TLN2: variants seen among roughly 807,000 people sequenced by gnomAD.
TLN2 encodes talin 2.
Under a neutral mutation model 294.7 loss-of-function variants are expected in TLN2, and 118 were observed. That is an observed-to-expected ratio of 0.40 (90% CI 0.34 to 0.47). The LOEUF (loss-of-function observed/expected upper bound fraction) is 0.47, where lower values mean the gene tolerates loss of function less well. Among genes scored for constraint, TLN2 ranks in the 20% least tolerant of loss-of-function variants. The pLI is 0.84. For missense variants in TLN2, 3,083 were observed against 3,282.2 expected (o/e 0.94, Z 1.48); for synonymous variants, 1,431 against 1,304.5 (o/e 1.10, Z -2.09).
intron 11 of TLN2, among the ~76,000 whole-genome samples, chr15:62,677,912 T>G (rs1257196127): frequency 6.8e-6 from 1 of 146,086 alleles, no homozygotes; most frequent in Non-Finnish European, 1.5e-5. Context: ...TCTCCTGCCT[T>G]AGCTTCCCGA....
At chr15:62,447,504 T>G (rs770601999) in intron 1 of TLN2, among the ~76,000 whole-genome samples, 6 of 151,064 alleles carry the variant, frequency 4.0e-5, no homozygotes, top group Non-Finnish European at 7.4e-5. Flanking sequence ...CTTTTTTTTT[T>G]TTTTTTTTGA....
rs758197452 is a variant in TLN2 at position 62,719,791 on chromosome 15, C to G, written c.2902C>G (p.Leu968Val). The part of the protein sequence containing the change: ...CKAVADHIPQ[L>V]VQGVRGSQAQ... ...GGCAGTGGCTGATCACATCCCTCAGCTGGTCCAGGGAGTGAGGGGGAGCCA... is the reference window on the plus strand; with the variant it reads ...GGCAGTGGCTGATCACATCCCTCAGGTGGTCCAGGGAGTGAGGGGGAGCCA... The change falls in exon 25 of 59, where the codon CTG becomes GTG. Residue 968 changes from leucine to valine, a missense_variant. By Grantham distance (32) the Leu-to-Val change is conservative (BLOSUM62 1). Transcript: ENST00000636159. The G allele has an allele frequency of 3.7e-6, 6 of 1,609,882 alleles. No individual in the cohort carries two copies. The highest frequency in any genetic ancestry group is 1.7e-4 in the Middle Eastern group (1 of 6,026).
chr15:62,511,106 C>T (rs183026087), intron 1 of TLN2, among the ~76,000 whole-genome samples: 4 of 152,310 alleles, frequency 2.6e-5, no homozygotes, highest in African/African-American at 4.8e-5. Flanking sequence ...CAGACATTGA[C>T]CCCTCCTGTG....
intron 11 of TLN2, among the ~76,000 whole-genome samples, chr15:62,676,512 T>C (rs190725286): frequency 1.7e-3 from 258 of 152,262 alleles, no homozygotes; most frequent in African/African-American, 5.8e-3. Context: ...TGACTCCACT[T>C]ACCAATATTA....
At chr15:62,680,648 A>C (rs1373628868) in intron 11 of TLN2, among the ~76,000 whole-genome samples, 2 of 151,406 alleles carry the variant, frequency 1.3e-5, no homozygotes, top group African/African-American at 2.4e-5. Context: ...ATTATATAGC[A>C]GTGAATTATA....
chr15:62,679,490 C>T (rs540728344), intron 11 of TLN2, among the ~76,000 whole-genome samples: 8 of 152,192 alleles, frequency 5.3e-5, no homozygotes, highest in South Asian at 2.1e-4. Flanking sequence ...GTAAATGTTA[C>T]GCTAAGTGAA....
At chr15:62,623,339 T>C (rs2048995540) in intron 3 of TLN2, among the ~76,000 whole-genome samples, 1 of 152,254 alleles carries the variant, frequency 6.6e-6, no homozygotes, top group Non-Finnish European at 1.5e-5. Context: ...TCATTTGTTC[T>C]ATTTTCGCTG....
At chr15:62,631,768 A>G (rs1222226941) in intron 3 of TLN2, among the ~76,000 whole-genome samples, 2 of 131,616 alleles carry the variant, frequency 1.5e-5, no homozygotes, top group African/African-American at 2.9e-5. Context: ...TTTTTGGTAT[A>G]GACGGGGTCT....
chr15:62,616,803 C>G (rs2048351315), intron 2 of TLN2, among the ~76,000 whole-genome samples: 5 of 152,126 alleles, frequency 3.3e-5, no homozygotes, highest in Admixed American at 3.3e-4. Flanking sequence ...AGTGTTTTTG[C>G]TACTGCTTTT....
At chr15:62,602,711 G>A (rs1046429304) in intron 2 of TLN2, among the ~76,000 whole-genome samples, 3 of 151,940 alleles carry the variant, frequency 2.0e-5, no homozygotes, top group African/African-American at 7.3e-5. Context: ...GGCAACTCTG[G>A]GGCCTCTTTT....
chr15:62,522,653 C>T (rs763196526), intron 1 of TLN2, among the ~76,000 whole-genome samples: 16 of 151,942 alleles, frequency 1.1e-4, no homozygotes, highest in African/African-American at 2.4e-4. Flanking sequence ...TGTTAACCCC[C>T]GAGGCTTTCT....
chr15:62,716,272 C>T, intron 22 of TLN2, 59 bp from the exon 23 acceptor site: 1 of 1,454,450 alleles, frequency 6.9e-7, no homozygotes, highest in Non-Finnish European at 9.1e-7. Context: ...ATACTGAAGG[C>T]ATGAATTCAG....
At chr15:62,570,331 T>C (rs940874351) in intron 1 of TLN2, among the ~76,000 whole-genome samples, 1 of 152,212 alleles carries the variant, frequency 6.6e-6, no homozygotes, top group African/African-American at 2.4e-5. Flanking sequence ...TTGGTAAACA[T>C]GGCCGTTGGA....
intron 1 of TLN2, among the ~76,000 whole-genome samples, chr15:62,568,450 A>G (rs1208315959): frequency 6.6e-6 from 1 of 152,220 alleles, no homozygotes; most frequent in Non-Finnish European, 1.5e-5. Context: ...GGTAAGAGGT[A>G]CAATTTAAAG....
intron 18 of TLN2, 40 bp from the exon 19 acceptor site, chr15:62,702,725 AT>A: frequency 6.3e-7 from 1 of 1,588,770 alleles, no homozygotes; most frequent in East Asian, 2.2e-5. Context: ...ACTGGAGGAA[AT>A]GCGTTTTCTT....
chr15:62,807,389 G>A lies in TLN2; in HGVS notation c.6663+1604G>A, dbSNP rs143905053. ...TGAAATGGGCTCAGAGAGAGAAGTG[G>A]CATGACCAAGGTCACGCAGCTATTT... On this transcript the variant is annotated intron_variant, in intron 51 of 58. Coordinates refer to ENST00000636159, the MANE Select transcript of TLN2 (RefSeq NM_015059.3). Among the ~76,000 whole-genome samples the A allele has an allele frequency of 2.8e-3, 427 of 152,288 alleles. 3 individuals carry two copies. The highest frequency in any genetic ancestry group is 5.0e-3 in the Admixed American group (76 of 15,298).
At chr15:62,734,152 G>A (rs1012290569) in intron 28 of TLN2, 6 of 152,032 alleles carry the variant, frequency 3.9e-5, no homozygotes, top group African/African-American at 1.5e-4. Flanking sequence ...TTAGCTCTTC[G>A]GATTTCTGCG....
chr15:62,763,422 C>A, intron 39 of TLN2, 141 bp from the exon 40 acceptor site: 1 of 1,125,176 alleles, frequency 8.9e-7, no homozygotes, highest in Non-Finnish European at 1.2e-6. Flanking sequence ...ACGTTGCCAA[C>A]CAGGGGTCAG....
In TLN2 at chr15:62,739,582, CCT is replaced by C. The variant is rs1244707952; in HGVS notation, c.3885+41_3885+42del. 11 of 1,608,812 alleles carry C rather than the reference CCT, an allele frequency of 6.8e-6. No homozygotes were observed. The Admixed American group carries it at 1.8e-4, about 27-fold the overall frequency. On this transcript the variant is annotated intron_variant, in intron 31 of 58. Transcript: ENST00000636159. Reference sequence around the variant, plus strand: ...GGTGGTTGTCTGGAGTTGACCTTAGCCTCTCCTCTCGGATGGATAATCCATCC... The same window carrying C: ...GGTGGTTGTCTGGAGTTGACCTTAGCCTCCTCTCGGATGGATAATCCATCC...
Sources: allele counts gnomAD v4.1 joint callset (sites outside exome capture counted in the v4.1 genomes callset), GRCh38; gene constraint gnomAD v4.1.1; transcripts MANE v1.5; gene names NCBI Gene and HGNC (gene_info 2026-07-23, HGNC 2026-07-21).